KALRN: variants seen among roughly 807,000 people sequenced by gnomAD.
KALRN encodes kalirin.
Under a neutral mutation model 353.7 loss-of-function variants are expected in KALRN, and 70 were observed. That is an observed-to-expected ratio of 0.20 (90% CI 0.16 to 0.24). The LOEUF is 0.24. Ranked by LOEUF, KALRN falls within the 10% of genes least tolerant of loss-of-function variation. The probability of loss-of-function intolerance (pLI) is 1.00; values close to 1 mark genes in which losing one functional copy is unlikely to be tolerated. For missense variants in KALRN, 2,791 were observed against 3,756.7 expected (o/e 0.74, Z 6.72); for synonymous variants, 1,391 against 1,434.8 (o/e 0.97, Z 0.69).
intron 33 of KALRN, among the ~76,000 whole-genome samples, chr3:124,503,054 G>A (rs2064788274): frequency 6.6e-6 from 1 of 152,066 alleles, no homozygotes; most frequent in Admixed American, 6.6e-5. Context: ...AGGAAAAATG[G>A]GATAGGTCTC....
At chr3:124,053,458 T>C (rs1470263644) in intron 1 of KALRN, among the ~76,000 whole-genome samples, 1 of 152,140 alleles carries the variant, frequency 6.6e-6, no homozygotes, top group Non-Finnish European at 1.5e-5. Flanking sequence ...AGGTTTTGGC[T>C]TAGGTTGTGG....
intron 13 of KALRN, among the ~76,000 whole-genome samples, chr3:124,401,580 TCC>T (rs986081029): frequency 6.6e-5 from 10 of 152,166 alleles, no homozygotes; most frequent in Admixed American, 5.2e-4. Flanking sequence ...AAATTCCTCG[TCC>T]CACCCTAAGT....
Position 124,679,447 on chromosome 3 carries a change from T to C in KALRN, c.7318-11T>C. 1.2e-6 allele frequency: 2 copies of C among 1,611,976 alleles called. No homozygotes were observed. Among genetic ancestry groups the C allele is most frequent in the Non-Finnish European group, 1.7e-6 (2 of 1,178,204 alleles). Reference sequence around the variant, plus strand: ...TCTCTTTCTTCCCCCTTCCTCATGCTGCCAATCAAGGAGACGAACAGTTCC... The same window carrying C: ...TCTCTTTCTTCCCCCTTCCTCATGCCGCCAATCAAGGAGACGAACAGTTCC... On this transcript the variant is annotated splice_polypyrimidine_tract_variant and intron_variant, in intron 50 of 59. Coordinates refer to ENST00000682506, the MANE Select transcript of KALRN (RefSeq NM_001388419.1).
At chr3:124,461,531 A>G (rs925984710) in intron 23 of KALRN, among the ~76,000 whole-genome samples, 4 of 152,160 alleles carry the variant, frequency 2.6e-5, no homozygotes, top group African/African-American at 9.7e-5. Context: ...CAAGCTATCT[A>G]GTTTAGTTGG....
chr3:124,506,403 T>C (rs959615), intron 33 of KALRN, among the ~76,000 whole-genome samples: 1 of 152,030 alleles, frequency 6.6e-6, no homozygotes, highest in Non-Finnish European at 1.5e-5. Context: ...TTGTTTTCAG[T>C]CTCTCCCATT....
chr3:124,580,722 A>G (rs2074544050), intron 34 of KALRN, among the ~76,000 whole-genome samples: 1 of 152,192 alleles, frequency 6.6e-6, no homozygotes, highest in Admixed American at 6.5e-5. Flanking sequence ...CCCAGTACCT[A>G]GAACAGAGCC....
chr3:124,566,514 A>G (rs1485092066), intron 34 of KALRN, among the ~76,000 whole-genome samples: 1 of 152,038 alleles, frequency 6.6e-6, no homozygotes, highest in African/African-American at 2.4e-5. Flanking sequence ...CAAAAAAAAA[A>G]AAAAAGGACC....
At chr3:124,435,782 T>A (rs1407600183) in intron 17 of KALRN, among the ~76,000 whole-genome samples, 2 of 152,336 alleles carry the variant, frequency 1.3e-5, no homozygotes, top group East Asian at 3.9e-4. Flanking sequence ...GATCCCTAGA[T>A]TCAACACAGT....
chr3:124,431,582 C>A (rs948079615), intron 16 of KALRN, among the ~76,000 whole-genome samples: 5 of 151,906 alleles, frequency 3.3e-5, no homozygotes, highest in African/African-American at 1.2e-4. Context: ...AAGTTAATTA[C>A]CAATGGGAAA....
intron 1 of KALRN, among the ~76,000 whole-genome samples, chr3:124,175,254 G>A (rs113835668): frequency 6.6e-5 from 10 of 152,360 alleles, no homozygotes; most frequent in Non-Finnish European, 1.0e-4. Context: ...AATGGGAGAC[G>A]CATGCCTGGA....
At chr3:124,510,522 T>C (rs895519618) in intron 33 of KALRN, among the ~76,000 whole-genome samples, 2 of 110,556 alleles carry the variant, frequency 1.8e-5, no homozygotes. Flanking sequence ...ATGCTGAGGG[T>C]TTTTTTTTTG....
chr3:124,535,802 C>T (rs764583371), intron 33 of KALRN, among the ~76,000 whole-genome samples: 3 of 152,026 alleles, frequency 2.0e-5, no homozygotes, highest in Non-Finnish European at 4.4e-5. Context: ...TTTCACATAA[C>T]AGATAACTGC....
At chr3:124,633,449 CTTG>C (rs570811340) in intron 35 of KALRN, among the ~76,000 whole-genome samples, 101 of 152,310 alleles carry the variant, frequency 6.6e-4, no homozygotes, top group African/African-American at 2.4e-3. Flanking sequence ...TGGACCCCCT[CTTG>C]TTGTGATTTT....
intron 1 of KALRN, among the ~76,000 whole-genome samples, chr3:124,076,514 T>C (rs1047419907): frequency 9.9e-5 from 15 of 152,198 alleles, no homozygotes; most frequent in African/African-American, 3.6e-4. Flanking sequence ...TCATCCGCTG[T>C]AGCAAGCCCT....
At chr3:124,627,496 G>A (rs1264900514) in intron 34 of KALRN, among the ~76,000 whole-genome samples, 1 of 152,210 alleles carries the variant, frequency 6.6e-6, no homozygotes, top group Non-Finnish European at 1.5e-5. Flanking sequence ...GATGTACCAT[G>A]GAACAGAAAT....
At chr3:124,368,182 G>A (rs559409188) in intron 10 of KALRN, among the ~76,000 whole-genome samples, 2 of 80,288 alleles carry the variant, frequency 2.5e-5, no homozygotes, top group South Asian at 8.9e-4. Context: ...GGCTGGCCGG[G>A]CGGGGGGCTG....
chr3:124,698,052 C>T (rs2062137812), intron 55 of KALRN, among the ~76,000 whole-genome samples: 1 of 152,192 alleles, frequency 6.6e-6, no homozygotes, highest in African/African-American at 2.4e-5. Flanking sequence ...TCACTGCAGC[C>T]TCCACCTCCT....
At chr3:124,178,441 C>A (rs1454220840) in intron 1 of KALRN, among the ~76,000 whole-genome samples, 1 of 152,134 alleles carries the variant, frequency 6.6e-6, no homozygotes, top group Non-Finnish European at 1.5e-5. Context: ...ATTGTACAAA[C>A]CTCGTAGAAT....
intron 25 of KALRN, among the ~76,000 whole-genome samples, chr3:124,462,950 C>T (rs1054693436): frequency 3.3e-5 from 5 of 152,150 alleles, no homozygotes; most frequent in African/African-American, 7.2e-5. Flanking sequence ...GAAATCCTGA[C>T]GTTAGAATTC....
Sources: gnomAD v4.1 joint callset for allele counts (sites outside exome capture counted in the v4.1 genomes callset) on GRCh38, gnomAD v4.1.1 for gene constraint, MANE v1.5 for transcripts, NCBI Gene and HGNC (gene_info 2026-07-23, HGNC 2026-07-21) for gene names.